Variants in MTCL1 observed in about 807,000 individuals in gnomAD.
The protein encoded by MTCL1 is microtubule cross-linking factor 1.
MTCL1 carries 79 observed loss-of-function variants against 141.4 expected under a neutral mutation model. The ratio of observed to expected loss-of-function variants is 0.56; its 90% CI spans 0.47 to 0.67. MTCL1 has a LOEUF of 0.67. Ranked by LOEUF, MTCL1 falls within the 30% of genes least tolerant of loss-of-function variation. The probability of loss-of-function intolerance (pLI) is 0.00; values close to 1 mark genes in which losing one functional copy is unlikely to be tolerated. For missense variants in MTCL1, 2,177 were observed against 2,113.9 expected (o/e 1.03, Z -0.59); for synonymous variants, 914 against 875.8 (o/e 1.04, Z -0.77).
intron 7 of MTCL1, among the ~76,000 whole-genome samples, chr18:8,792,054 C>T (rs1456906402): frequency 6.6e-6 from 1 of 152,168 alleles, no homozygotes; most frequent in Admixed American, 6.5e-5. Context: ...GAAGAACAAA[C>T]AGTATCCTCA....
intron 4 of MTCL1, among the ~76,000 whole-genome samples, chr18:8,740,421 T>G (rs770653338): frequency 6.6e-6 from 1 of 152,210 alleles, no homozygotes; most frequent in Non-Finnish European, 1.5e-5. Context: ...TTTATCACCC[T>G]CATGGGACAG....
chr18:8,765,429 G>C (rs150999962), intron 4 of MTCL1, among the ~76,000 whole-genome samples: 59 of 152,338 alleles, frequency 3.9e-4, no homozygotes, highest in Non-Finnish European at 7.5e-4. Flanking sequence ...GCCTGGTTGC[G>C]TGTGCGCCAG....
At chr18:8,705,588 C>CCGT, upstream of MTCL1, 1 of 969,586 alleles carries the variant, frequency 1.0e-6, no homozygotes, top group Non-Finnish European at 1.3e-6. The surrounding 1 kb of genome is among the most constrained non-coding windows in gnomAD (Gnocchi z 5.2). Flanking sequence ...AGGCTGCACG[C>CCGT]CGCCGCCGCC....
intron 4 of MTCL1, among the ~76,000 whole-genome samples, chr18:8,747,546 G>T (rs2096346015): frequency 6.6e-6 from 1 of 152,222 alleles, no homozygotes; most frequent in Non-Finnish European, 1.5e-5. Context: ...CCTTCTCTGT[G>T]TGTGTGTCTC....
At chr18:8,796,507 T>G in intron 9 of MTCL1, 45 bp downstream of exon 8, 4 of 1,588,258 alleles carry the variant, frequency 2.5e-6, no homozygotes, top group Non-Finnish European at 3.5e-6. Flanking sequence ...TGTTTTGTCC[T>G]TGACCCCAGA....
In MTCL1 at chr18:8,830,165, TGAG is replaced by T; in HGVS notation, c.*18+1204_*18+1206del. 2.0e-6 allele frequency: 2 copies of T among 985,450 alleles called. No individual in the cohort carries two copies. The highest frequency in any genetic ancestry group is 1.7e-5 in the African/African-American group (1 of 57,334). 61.0% of individuals were successfully genotyped at this position (985,450 alleles called of 1,614,324 possible). ...TCAAGCACTGTGGGCTGCAGTGAGA[TGAG>T]GACACAGGAGCACCTTGGGTTAGTC... is the stretch of plus-strand genomic sequence containing the variant. On this transcript the variant is annotated intron_variant, in intron 16 of 16. Transcript: ENST00000359865. The surrounding 1 kb of genome is among the most constrained non-coding windows in gnomAD (Gnocchi z 6.4).
chr18:8,827,324 G>A (rs1316180098), intron 15 of MTCL1, among the ~76,000 whole-genome samples: 1 of 152,234 alleles, frequency 6.6e-6, no homozygotes, highest in Non-Finnish European at 1.5e-5. Context: ...GTAAATGATG[G>A]CTGTCTTCCC....
chr18:8,811,013 A>C (rs2076465138), intron 11 of MTCL1: 1 of 151,820 alleles, frequency 6.6e-6, no homozygotes, highest in Non-Finnish European at 1.5e-5. Flanking sequence ...GTGAGCAAAA[A>C]CTTCCAGTTT....
At chr18:8,759,556 T>G (rs549520535) in intron 4 of MTCL1, among the ~76,000 whole-genome samples, 6 of 151,850 alleles carry the variant, frequency 4.0e-5, no homozygotes, top group African/African-American at 1.4e-4. Context: ...AGCAGGAGAG[T>G]TGGAGAGGTT....
chr18:8,730,027 A>G (rs1045462746), intron 4 of MTCL1, among the ~76,000 whole-genome samples: 5 of 152,188 alleles, frequency 3.3e-5, no homozygotes, highest in African/African-American at 1.2e-4. Flanking sequence ...GTGAACACCC[A>G]GTTACTCTGG....
intron 4 of MTCL1, among the ~76,000 whole-genome samples, chr18:8,728,287 A>G (rs1009368644): frequency 1.3e-5 from 2 of 152,074 alleles, no homozygotes; most frequent in East Asian, 3.8e-4. Flanking sequence ...TGATCTTTTA[A>G]TACATCCTTC....
rs528109952 is a variant in MTCL1, at chr18:8,784,904, A to G, written c.1731+61A>G. On this transcript the variant is annotated intron_variant, in intron 6 of 16. Transcript: ENST00000359865. ...CTTGCTCTTCCTCCTTCTCGCTGGC[A>G]TTGCTGCACTCGGGCTCACGCTGCT... The G allele has an allele frequency of 3.4e-5, 49 of 1,429,986 alleles. No individual in the cohort carries two copies. In the East Asian group the frequency reaches 7.8e-4, roughly 23 times the overall value. 88.6% of individuals were successfully genotyped at this position (1,429,986 alleles called of 1,614,324 possible). A position where few individuals can be genotyped will look rare whatever the true frequency, so the allele number is the denominator to read the frequency against.
At chr18:8,806,620 G>C (rs1377750686) in intron 10 of MTCL1, among the ~76,000 whole-genome samples, 1 of 152,148 alleles carries the variant, frequency 6.6e-6, no homozygotes, top group African/African-American at 2.4e-5. Context: ...TCCGGCGTCT[G>C]AACACAGCTG....
chr18:8,783,480 C>A, intron 5 of MTCL1, 50 bp from the exon 5 acceptor site: 1 of 1,483,416 alleles, frequency 6.7e-7, no homozygotes, highest in Non-Finnish European at 9.1e-7. Context: ...AAAACACGAA[C>A]ATTTGGTATT....
intron 6 of MTCL1, chr18:8,785,691 T>C (rs567516242): frequency 5.7e-6 from 3 of 527,682 alleles, no homozygotes; most frequent in Admixed American, 3.6e-5. Flanking sequence ...GCTTTTCAGA[T>C]GTGTCCACCC....
chr18:8,705,867 C>A lies in MTCL1; in HGVS notation c.207C>A (p.Ala69=), dbSNP rs2096057079. ...CGGCCGTCCCCTCCTCGGGCCGAGC[C>A]CCGGCTCCCGCCGCCCCGCGCTCGC... The change falls in exon 1 of 14, where the codon GCC becomes GCA. Residue 69 remains alanine, a synonymous_variant. Coordinates refer to the MTCL1 transcript ENST00000306329. The surrounding 1 kb of genome is among the most constrained non-coding windows in gnomAD (Gnocchi z 5.2). 1 of 1,140,112 alleles carries A rather than the reference C, an allele frequency of 8.8e-7. No individual in the cohort carries two copies. The highest frequency in any genetic ancestry group is 1.1e-6 in the Non-Finnish European group (1 of 928,686). The allele number at this position is 1,140,112 out of a possible 1,614,324, so 70.6% of individuals were successfully genotyped here.
At chr18:8,748,666 T>C (rs2096354552) in intron 4 of MTCL1, among the ~76,000 whole-genome samples, 1 of 152,128 alleles carries the variant, frequency 6.6e-6, no homozygotes, top group Non-Finnish European at 1.5e-5. Flanking sequence ...TATATATATG[T>C]AAATAAATTC....
At chr18:8,733,532 G>A (rs531051143) in intron 4 of MTCL1, among the ~76,000 whole-genome samples, 5 of 151,888 alleles carry the variant, frequency 3.3e-5, no homozygotes, top group Non-Finnish European at 7.4e-5. Flanking sequence ...TGGCCTTCCC[G>A]GTAGCTGAGA....
At chr18:8,778,206 C>T (rs939949874) in intron 5 of MTCL1, among the ~76,000 whole-genome samples, 16 of 152,180 alleles carry the variant, frequency 1.1e-4, no homozygotes, top group Non-Finnish European at 1.5e-4. Context: ...GTGTTTTGAC[C>T]TTCAAAGTCA....
Sources: allele counts gnomAD v4.1 joint callset (sites outside exome capture counted in the v4.1 genomes callset), GRCh38; gene constraint gnomAD v4.1.1; non-coding constraint Gnocchi (gnomAD v3.1); transcripts MANE v1.5; gene names NCBI Gene and HGNC (gene_info 2026-07-23, HGNC 2026-07-21).